The following CIAO1 variants were observed in gnomAD, a reference collection of about 807,000 sequenced individuals.
CIAO1 encodes cytosolic iron-sulfur assembly component 1.
Under a neutral mutation model 43.1 loss-of-function variants are expected in CIAO1, and 32 were observed. The observed-to-expected ratio is 0.74, with a 90% CI of 0.56 to 1.00. The LOEUF is 1.00. CIAO1 is among the 50% of genes least tolerant of loss of function. The pLI is 0.00. For missense variants in CIAO1, 415 were observed against 437.4 expected, an observed-to-expected ratio of 0.95 and a Z score of 0.46; for synonymous variants, 183 against 171.4, an observed-to-expected ratio of 1.07 and a Z score of -0.53.
chr2:96,266,321 CG>C lies in CIAO1; in HGVS notation c.-29del. 7.3e-7 allele frequency: 1 copy of C among 1,376,298 alleles called. No individual in the cohort carries two copies. 85.3% of individuals were successfully genotyped at this position (1,376,298 alleles called of 1,614,324 possible). The stretch of plus-strand genomic sequence containing the variant: ...CGCTGTCTGCTCAGCGGACTCTGCC[CG>C]CCCCCACCTCCCCCTGCGTCGGGCC... On this transcript the variant is annotated 5_prime_UTR_variant, in exon 1 of 7. Transcript: ENST00000488633.
intron 6 of CIAO1, among the ~76,000 whole-genome samples, chr2:96,270,693 C>G (rs1684531362): frequency 6.6e-6 from 1 of 151,324 alleles, no homozygotes; most frequent in Non-Finnish European, 1.5e-5. Context: ...GCCTGTAGTC[C>G]CAGCTACTCA....
At chr2:96,266,633 G>C (rs1291882505) in intron 1 of CIAO1, 144 bp downstream of exon 1, 1 of 928,288 alleles carries the variant, frequency 1.1e-6, no homozygotes, top group African/African-American at 1.7e-5. Context: ...GGCTTTACAG[G>C]CAAAGAAGTC....
chr2:96,269,814 ATTT>A (rs1054260761), intron 6 of CIAO1, among the ~76,000 whole-genome samples: 1 of 152,034 alleles, frequency 6.6e-6, no homozygotes, highest in Admixed American at 6.5e-5. Context: ...TGCCTGGCTA[ATTT>A]TTTATTTTTA....
rs1266115012 is a variant in CIAO1, at chr2:96,271,015, G to T, written c.780-96G>T. On this transcript the variant is annotated intron_variant, in intron 6 of 6. Coordinates refer to ENST00000488633, the MANE Select transcript of CIAO1 (RefSeq NM_004804.3). ...TTTTAATAAGAGGTTTTTAGCTGAG[G>T]CCTGAAGTTAGGGAAGAGAACAGGC... The T allele has an allele frequency of 7.2e-5, 108 of 1,491,980 alleles. 1 individual carries two copies. The South Asian group carries it at 1.1e-3, about 16-fold the overall frequency. 92.4% of individuals were successfully genotyped at this position (1,491,980 alleles called of 1,614,324 possible). A position where few individuals can be genotyped will look rare whatever the true frequency, so the allele number is the denominator to read the frequency against.
At chr2:96,268,417 A>G (rs147727121) in intron 4 of CIAO1, 40 bp from the exon 5 acceptor site, 3 of 1,574,830 alleles carry the variant, frequency 1.9e-6, no homozygotes, top group African/African-American at 2.7e-5. Flanking sequence ...TTCCTGGGCC[A>G]CACAGACACA....
chr2:96,268,848 T>C (rs1477827399), intron 5 of CIAO1, 190 bp downstream of exon 5: 2 of 599,488 alleles, frequency 3.3e-6, no homozygotes, highest in South Asian at 2.0e-5. Flanking sequence ...TAAAAGGGTA[T>C]GTAGGATTTT....
chr2:96,269,920 C>G (rs950934653), intron 6 of CIAO1, among the ~76,000 whole-genome samples: 1 of 151,988 alleles, frequency 6.6e-6, no homozygotes, highest in African/African-American at 2.4e-5. Flanking sequence ...GCTGGGATTA[C>G]AGGCATGAGC....
chr2:96,269,585 T>C (rs555115768), intron 6 of CIAO1, among the ~76,000 whole-genome samples: 46 of 152,096 alleles, frequency 3.0e-4, no homozygotes, highest in African/African-American at 1.1e-3. Context: ...GCGCTAGAGG[T>C]TCGCACAGCT....
At chr2:96,270,516 A>T (rs4907309) in intron 6 of CIAO1, among the ~76,000 whole-genome samples, 49,046 of 150,420 alleles carry the variant, frequency 0.33, 8,400 homozygotes, top group South Asian at 0.69. Flanking sequence ...AAAAAAAAAA[A>T]ACTTTATGAT....
chr2:96,268,138 G>C (rs1379662810), intron 4 of CIAO1, among the ~76,000 whole-genome samples: 1 of 152,220 alleles, frequency 6.6e-6, no homozygotes, highest in African/African-American at 2.4e-5. Flanking sequence ...TGGATCATCT[G>C]AGGTCAGGAG....
rs1408123717 is a variant in CIAO1 at position 96,267,881 on chromosome 2, A to G, written c.446A>G (p.His149Arg). The change falls in exon 4 of 7, where the codon CAC becomes CGC. Residue 149 changes from histidine to arginine, a missense_variant. His to Arg is a conservative substitution (Grantham distance 29). Coordinates refer to ENST00000488633, the MANE Select transcript of CIAO1 (RefSeq NM_004804.3). ...EYECVSVLNS[H>R]TQDVKHVVWH... ...GAATGTGTCAGTGTTCTCAACTCCC[A>G]CACACAGGATGTCAAGCATGTGGTT... The G allele has an allele frequency of 6.2e-7, 1 of 1,614,074 alleles. No individual in the cohort carries two copies. The highest frequency in any genetic ancestry group is 8.5e-7 in the Non-Finnish European group (1 of 1,180,032).
chr2:96,266,359 C>A lies in CIAO1; in HGVS notation c.9C>A (p.Asp3Glu). 1 of 1,460,954 alleles carries A rather than the reference C, an allele frequency of 6.8e-7. No homozygotes were observed. 90.5% of individuals were successfully genotyped at this position (1,460,954 alleles called of 1,614,324 possible). A position where few individuals can be genotyped will look rare whatever the true frequency, so the allele number is the denominator to read the frequency against. The change falls in exon 1 of 7, where the codon GAC becomes GAA. Residue 3 changes from aspartate to glutamate, a missense_variant. By Grantham distance (45) the Asp-to-Glu change is conservative. Transcript: ENST00000488633. ...CCCTGCGTCGGGCCGACATGAAGGA[C>A]TCGCTGGTGCTGCTGGGCCGTGTCC... is the stretch of plus-strand genomic sequence containing the variant. MK[D>E]SLVLLGRVPA... is the part of the protein sequence containing the mutation.
Position 96,271,047 on chromosome 2 carries a change from C to A in CIAO1, c.780-64C>A. The A allele has an allele frequency of 3.1e-6, 5 of 1,597,474 alleles. No homozygotes were observed. The South Asian group carries it at 5.6e-5, about 18-fold the overall frequency. On this transcript the variant is annotated intron_variant, in intron 6 of 6. Coordinates refer to ENST00000488633, the MANE Select transcript of CIAO1 (RefSeq NM_004804.3). ...GTTAGGGAAGAGAACAGGCCAGGAA[C>A]TATGGAACAGGTCTCTCTGGCCTAA...
rs185308307 is a variant in CIAO1, at chr2:96,270,788, C to T, written c.780-323C>T. On this transcript the variant is annotated intron_variant, in intron 6 of 6. Coordinates refer to ENST00000488633, the MANE Select transcript of CIAO1 (RefSeq NM_004804.3). ...TTGTGCCACTGCACTCCAGCCTGGG[C>T]GACACAGCAAGACTCCATCTCAAAA... Among the ~76,000 whole-genome samples the T allele has an allele frequency of 2.6e-3, 357 of 137,022 alleles. 1 individual carries two copies. The highest frequency in any genetic ancestry group is 7.4e-3 in the Admixed American group (92 of 12,412). 89.9% of individuals were successfully genotyped at this position (137,022 alleles called of 152,430 possible).
intron 1 of CIAO1, 21 bp from the exon 2 acceptor site, chr2:96,267,300 T>C (rs995370421): frequency 3.1e-6 from 5 of 1,602,066 alleles, no homozygotes; most frequent in Non-Finnish European, 4.3e-6. Flanking sequence ...CTCCAGAGCC[T>C]GGCCTGCGCT....
chr2:96,273,662 C>CAAAAA lies in CIAO1; in HGVS notation c.*2331_*2335dup, dbSNP rs57198918. On this transcript the variant is annotated 3_prime_UTR_variant, in exon 7 of 7. Coordinates refer to ENST00000488633, the MANE Select transcript of CIAO1 (RefSeq NM_004804.3). The stretch of plus-strand genomic sequence containing the variant: ...TGGGTGACAGAGCGAGACTCCATTT[C>CAAAAA]AAAAAAAAAAAAAAAAAAAAAAAAT... 7.1e-5 allele frequency among the ~76,000 whole-genome samples: 4 copies of CAAAAA among 55,980 alleles called. No homozygotes were observed. The highest frequency in any genetic ancestry group is 1.0e-3 in the East Asian group (2 of 1,984). 36.7% of individuals were successfully genotyped at this position (55,980 alleles called of 152,430 possible).
chr2:96,267,983 C>T (rs931141471), intron 4 of CIAO1, 59 bp downstream of exon 4: 52 of 1,360,310 alleles, frequency 3.8e-5, no homozygotes, highest in Non-Finnish European at 2.6e-5. Flanking sequence ...TTGTGCCCAG[C>T]CTTCCTCTGC....
At position 96,271,422 on chromosome 2, in the gene CIAO1, G is replaced by A. The variant is rs1371857887; in HGVS notation, c.*71G>A. 1 of 1,544,580 alleles carries A rather than the reference G, an allele frequency of 6.5e-7. No individual in the cohort carries two copies. The highest frequency in any genetic ancestry group is 8.8e-7 in the Non-Finnish European group (1 of 1,142,072). On this transcript the variant is annotated 3_prime_UTR_variant, in exon 7 of 7. Coordinates refer to ENST00000488633, the MANE Select transcript of CIAO1 (RefSeq NM_004804.3). Reference sequence around the variant, plus strand: ...TATAAGACTTTACCAGCCCCTGAGAGGACCAGGAGGAGCATCCTTGACCTT... The same window carrying A: ...TATAAGACTTTACCAGCCCCTGAGAAGACCAGGAGGAGCATCCTTGACCTT...
At chr2:96,267,002 C>A (rs1331287486) in intron 1 of CIAO1, among the ~76,000 whole-genome samples, 1 of 151,806 alleles carries the variant, frequency 6.6e-6, no homozygotes, top group African/African-American at 2.4e-5. Context: ...GGCGTTGTGG[C>A]GGGCACCTGT....
Sources: allele counts gnomAD v4.1 joint callset (sites outside exome capture counted in the v4.1 genomes callset), GRCh38; gene constraint gnomAD v4.1.1; transcripts MANE v1.5; gene names NCBI Gene and HGNC (gene_info 2026-07-23, HGNC 2026-07-21).